NRG1: variants seen among roughly 807,000 people sequenced by gnomAD.
The protein encoded by NRG1 is pro-neuregulin-1, membrane-bound isoform.
Under a neutral mutation model 63.8 loss-of-function variants are expected in NRG1, and 18 were observed. That is an observed-to-expected ratio of 0.28 (90% CI 0.19 to 0.42). The LOEUF is 0.42. NRG1 is among the 10% of genes least tolerant of loss of function. The pLI, the probability that NRG1 is intolerant of heterozygous loss-of-function variation, is 1.00. For missense variants in NRG1, 762 were observed against 814.7 expected (o/e 0.94, Z 0.79); for synonymous variants, 302 against 301.3 (o/e 1.00, Z -0.02).
At chr8:32,261,176 C>A (rs1488347628) in intron 1 of NRG1, among the ~76,000 whole-genome samples, 1 of 152,058 alleles carries the variant, frequency 6.6e-6, no homozygotes, top group Non-Finnish European at 1.5e-5. Context: ...GCACAGTTGT[C>A]CAAAAAATAA....
intron 1 of NRG1, among the ~76,000 whole-genome samples, chr8:32,300,338 A>G (rs1855443069): frequency 6.6e-6 from 1 of 152,234 alleles, no homozygotes; most frequent in Admixed American, 6.5e-5. Flanking sequence ...GCCAAATTTT[A>G]TCTTCTTAAT....
In NRG1 at chr8:31,702,356, C is replaced by A. The variant is rs533383231; in HGVS notation, c.37+62925C>A. 1.5e-4 allele frequency among the ~76,000 whole-genome samples: 23 copies of A among 152,256 alleles called. No individual in the cohort carries two copies. The South Asian group carries it at 4.3e-3, about 29-fold the overall frequency. On this transcript the variant is annotated intron_variant, in intron 1 of 10. Transcript: ENST00000519301. ...ATTCCATGCACTTCATGGATTCATG[C>A]ACGTTAGCACAGCTAGACACCTTTA...
intron 1 of NRG1, among the ~76,000 whole-genome samples, chr8:32,288,808 A>C (rs1414830905): frequency 6.6e-6 from 1 of 152,178 alleles, no homozygotes; most frequent in African/African-American, 2.4e-5. Context: ...TAACAGCTTG[A>C]ATCACTCACT....
chr8:32,440,595 T>C (rs921764701), intron 1 of NRG1, among the ~76,000 whole-genome samples: 6 of 152,330 alleles, frequency 3.9e-5, no homozygotes, highest in African/African-American at 1.4e-4. Flanking sequence ...TGTGAACGTG[T>C]AAGTCAACTT....
At chr8:31,900,009 G>A (rs1786415931) in intron 1 of NRG1, among the ~76,000 whole-genome samples, 4 of 152,146 alleles carry the variant, frequency 2.6e-5, no homozygotes, top group Admixed American at 1.3e-4. Context: ...CACATTTTGA[G>A]TATCATTGTT....
intron 1 of NRG1, among the ~76,000 whole-genome samples, chr8:32,476,961 G>A (rs2129492008): frequency 6.6e-6 from 1 of 152,222 alleles, no homozygotes; most frequent in East Asian, 1.9e-4. Context: ...TTATTTACAT[G>A]GACTCAAGGG....
rs139733403 is a variant in NRG1 at position 32,712,196 on chromosome 8, C to T, written c.503-15753C>T. Among the ~76,000 whole-genome samples, 225 of 152,254 alleles carry T rather than the reference C, an allele frequency of 1.5e-3. 2 individuals carry two copies. The highest frequency in any genetic ancestry group is 5.2e-3 in the African/African-American group (214 of 41,548). ...CTAGACAGCCTCTCCGATTTTCATGCTTCTGGGACAGAAAAGTATTTATCA... is the reference window on the plus strand; with the variant it reads ...CTAGACAGCCTCTCCGATTTTCATGTTTCTGGGACAGAAAAGTATTTATCA... On this transcript the variant is annotated intron_variant, in intron 5 of 11. Transcript: ENST00000356819.
At chr8:32,587,560 G>A (rs576057379) in intron 1 of NRG1, among the ~76,000 whole-genome samples, 3 of 152,276 alleles carry the variant, frequency 2.0e-5, no homozygotes, top group East Asian at 3.9e-4. Flanking sequence ...AGGGCCTCAC[G>A]ATTCCAAATA....
At chr8:31,968,384 G>T (rs991363511) in intron 1 of NRG1, among the ~76,000 whole-genome samples, 5 of 152,108 alleles carry the variant, frequency 3.3e-5, no homozygotes, top group African/African-American at 9.7e-5. Flanking sequence ...CTTTGTATTT[G>T]CCACCCTTTG....
chr8:32,609,401 C>T (rs1305858254), intron 3 of NRG1, among the ~76,000 whole-genome samples: 1 of 151,996 alleles, frequency 6.6e-6, no homozygotes, highest in Non-Finnish European at 1.5e-5. Context: ...TCAGGGCAGA[C>T]GTTGCACAGA....
intron 1 of NRG1, among the ~76,000 whole-genome samples, chr8:32,499,614 C>G (rs1013017194): frequency 1.3e-5 from 2 of 152,102 alleles, no homozygotes; most frequent in Non-Finnish European, 2.9e-5. Context: ...GTCTAGGCTG[C>G]AGTGAGCCAT....
intron 3 of NRG1, chr8:32,614,267 G>A (rs1420022513): frequency 1.1e-5 from 4 of 360,684 alleles, no homozygotes; most frequent in Non-Finnish European, 2.0e-5. Context: ...CCAAGTGGAG[G>A]CAGTGAATGC....
At chr8:31,709,763 G>T (rs747539569) in intron 1 of NRG1, among the ~76,000 whole-genome samples, 8 of 151,440 alleles carry the variant, frequency 5.3e-5, no homozygotes, top group East Asian at 1.9e-4. Flanking sequence ...GTCTCTTTTG[G>T]CTTTTTTATT....
chr8:31,945,494 G>T (rs1802400147), intron 1 of NRG1, among the ~76,000 whole-genome samples: 1 of 152,174 alleles, frequency 6.6e-6, no homozygotes, highest in Non-Finnish European at 1.5e-5. Context: ...TATTCCAGGT[G>T]CAGCCACTTG....
intron 1 of NRG1, among the ~76,000 whole-genome samples, chr8:32,249,557 A>G (rs1447451608): frequency 1.3e-5 from 2 of 152,092 alleles, no homozygotes; most frequent in African/African-American, 4.8e-5. Context: ...AAAGTCATTA[A>G]TCCCCTCTCA....
At chr8:32,266,934 A>T (rs1397232951) in intron 1 of NRG1, among the ~76,000 whole-genome samples, 1 of 151,808 alleles carries the variant, frequency 6.6e-6, no homozygotes, top group Admixed American at 6.6e-5. Context: ...CTGTAATCCC[A>T]GCTACTCAGG....
chr8:32,230,414 CACTTCTCAGGCT>C (rs1846797555), intron 1 of NRG1, among the ~76,000 whole-genome samples: 1 of 152,144 alleles, frequency 6.6e-6, no homozygotes, highest in Admixed American at 6.5e-5. Context: ...GCCACCCCTG[CACTTCTCAGGCT>C]ACTGCTCCTA....
chr8:31,855,425 G>T (rs1404392387), intron 1 of NRG1, among the ~76,000 whole-genome samples: 1 of 152,020 alleles, frequency 6.6e-6, no homozygotes, highest in African/African-American at 2.4e-5. Flanking sequence ...TCAGAGACTA[G>T]GATTGCAACC....
chr8:31,978,939 T>G (rs1424175751), intron 1 of NRG1, among the ~76,000 whole-genome samples: 1 of 152,184 alleles, frequency 6.6e-6, no homozygotes, highest in African/African-American at 2.4e-5. Flanking sequence ...TCCTTTGGCT[T>G]ATTTTATTTT....
Sources: gnomAD v4.1 joint callset for allele counts (sites outside exome capture counted in the v4.1 genomes callset) on GRCh38, gnomAD v4.1.1 for gene constraint, MANE v1.5 for transcripts, NCBI Gene and HGNC (gene_info 2026-07-23, HGNC 2026-07-21) for gene names.